The following CCS variants were observed in gnomAD, a reference collection of about 807,000 sequenced individuals.
The protein encoded by CCS is copper chaperone for superoxide dismutase.
Under a neutral mutation model 35.5 loss-of-function variants are expected in CCS, and 32 were observed. The observed-to-expected ratio is 0.90, with a 90% CI of 0.68 to 1.21. The LOEUF (loss-of-function observed/expected upper bound fraction) is 1.21. Among genes scored for constraint, CCS ranks in the 50% most tolerant of loss-of-function variants. CCS has a pLI of 0.00. For synonymous variants in CCS, 130 were observed against 147.2 expected (o/e 0.88, Z 0.84); for missense variants, 342 against 375.4 (o/e 0.91, Z 0.73).
rs1185600202 is a variant in CCS, at chr11:66,605,584, C to T, written c.663C>T (p.Ser221=). The change falls in exon 7 of 8, where the codon TCC becomes TCT. Residue 221 remains serine (S), a synonymous_variant. Coordinates refer to ENST00000533244, the MANE Select transcript of CCS (RefSeq NM_005125.2). Reference sequence around the variant, plus strand: ...CCTTATCCAAGATCACAGGGAACTCCGGGGAGAGGTGAGTGGTGTCGGCCC... The same window carrying T: ...CCTTATCCAAGATCACAGGGAACTCTGGGGAGAGGTGAGTGGTGTCGGCCC... ...GHPLSKITGN[S]GERLACGIIA... is the part of the protein sequence containing the mutation. The T allele has an allele frequency of 8.7e-6, 14 of 1,613,222 alleles. No homozygotes were observed. The highest frequency in any genetic ancestry group is 1.7e-5 in the Admixed American group (1 of 59,890).
intron 2 of CCS, among the ~76,000 whole-genome samples, chr11:66,596,504 T>C (rs769521382): frequency 1.4e-4 from 21 of 151,954 alleles, no homozygotes; most frequent in Non-Finnish European, 2.9e-4. Flanking sequence ...TTCAGCCTCC[T>C]GAGTAGCTGG....
chr11:66,603,225 G>C (rs1858597560), intron 5 of CCS, among the ~76,000 whole-genome samples: 1 of 152,206 alleles, frequency 6.6e-6, no homozygotes, highest in Non-Finnish European at 1.5e-5. Flanking sequence ...GCCTTTCCCT[G>C]AACTCCTGCT....
At chr11:66,603,479 G>A (rs1212932518) in intron 5 of CCS, among the ~76,000 whole-genome samples, 7 of 152,228 alleles carry the variant, frequency 4.6e-5, no homozygotes, top group Non-Finnish European at 4.4e-5. Context: ...GGGAGGCTGA[G>A]GCGGATGGGT....
Position 66,593,281 on chromosome 11 carries a change from A to G in CCS, c.20A>G (p.Asn7Ser). 2 of 1,557,500 alleles carry G rather than the reference A, an allele frequency of 1.3e-6. No homozygotes were observed. The highest frequency in any genetic ancestry group is 2.4e-5 in the East Asian group (1 of 42,254). ...TCCAGAATGGCTTCGGATTCGGGGA[A>G]CCAGGGGACCCTCTGCACGGTGAGG... Reference protein sequence around the residue: MASDSGNQGTLCTLEFA... With the variant: MASDSGSQGTLCTLEFA... The change falls in exon 1 of 8, where the codon AAC (asparagine) becomes AGC (serine). Residue 7 changes from asparagine to serine, a missense_variant. Physicochemically the swap from Asn to Ser is conservative, Grantham distance 46. Coordinates refer to ENST00000533244, the MANE Select transcript of CCS (RefSeq NM_005125.2).
At position 66,599,618 on chromosome 11, in the gene CCS, T is replaced by C. The variant is rs759811702; in HGVS notation, c.410T>C (p.Leu137Pro). ...HGLHVHQYGD[L>P]TNNCNSCGNH... ...CTCCACGTCCATCAGTACGGGGACC[T>C]TACAAACAACTGCAACAGGTGAGTT... Residue 137 changes from leucine (L) to proline (P), a missense_variant, in exon 4 of 8, where the codon CTT becomes CCT. Leu to Pro is a moderately conservative substitution (Grantham distance 98, BLOSUM62 -3). Transcript: ENST00000533244. 21 of 1,610,688 alleles carry C rather than the reference T, an allele frequency of 1.3e-5. No homozygotes were observed. In the Admixed American group the frequency reaches 3.6e-4, roughly 27 times the overall value.
At chr11:66,599,007 G>GGT in intron 2 of CCS, 109 bp from the exon 3 acceptor site, 1 of 1,372,128 alleles carries the variant, frequency 7.3e-7, no homozygotes, top group African/African-American at 1.4e-5. Context: ...CTCTGACCAT[G>GGT]GGAAGTTTGG....
intron 4 of CCS, 99 bp downstream of exon 4, chr11:66,599,735 C>A: frequency 8.7e-7 from 1 of 1,149,260 alleles, no homozygotes; most frequent in Non-Finnish European, 1.2e-6. Flanking sequence ...CAGGCACAAC[C>A]TCCAGATGAG....
chr11:66,600,511 G>C lies in CCS; in HGVS notation c.451G>C (p.Asp151His). 1 of 1,542,572 alleles carries C rather than the reference G, an allele frequency of 6.5e-7. No individual in the cohort carries two copies. Among genetic ancestry groups the C allele is most frequent in the South Asian group, 1.2e-5 (1 of 81,102 alleles). The change falls in exon 5 of 8, where the codon GAT becomes CAT. Residue 151 changes from aspartate (D) to histidine (H), a missense_variant. Asp to His is a moderately conservative substitution (Grantham distance 81). Coordinates refer to ENST00000533244, the MANE Select transcript of CCS (RefSeq NM_005125.2). ...TAGCTGTGGGAATCACTTTAACCCTGATGGAGCATCTCATGGGGGCCCCCA... is the reference window on the plus strand; with the variant it reads ...TAGCTGTGGGAATCACTTTAACCCTCATGGAGCATCTCATGGGGGCCCCCA... ...CNSCGNHFNP[D>H]GASHGGPQDS...
At chr11:66,595,546 C>A (rs1590827870) in intron 2 of CCS, among the ~76,000 whole-genome samples, 1 of 152,260 alleles carries the variant, frequency 6.6e-6, no homozygotes, top group Middle Eastern at 3.4e-3. Context: ...AATACACACA[C>A]ACAGAGAAAG....
intron 7 of CCS, 47 bp from the exon 8 acceptor site, chr11:66,605,655 G>A (rs1422695888): frequency 3.2e-6 from 5 of 1,582,142 alleles, no homozygotes; most frequent in Non-Finnish European, 4.3e-6. Flanking sequence ...GAACCCAGGG[G>A]TGGGGGCCAA....
chr11:66,594,356 C>G (rs923788515), intron 2 of CCS, among the ~76,000 whole-genome samples: 30 of 151,844 alleles, frequency 2.0e-4, no homozygotes, highest in Admixed American at 5.2e-4. Context: ...GAGACTCCGT[C>G]TCAAAAAAAT....
intron 3 of CCS, 43 bp from the exon 4 acceptor site, chr11:66,599,416 T>TG: frequency 6.6e-7 from 1 of 1,510,186 alleles, no homozygotes; most frequent in Non-Finnish European, 8.8e-7. Context: ...AGAGGTGTGC[T>TG]GGGTGAGGTG....
Position 66,593,729 on chromosome 11 carries a change from A to T in CCS, c.112+15A>T. The T allele has an allele frequency of 1.2e-6, 2 of 1,612,902 alleles. No homozygotes were observed. Among genetic ancestry groups the T allele is most frequent in the Non-Finnish European group, 1.7e-6 (2 of 1,178,912 alleles). ...AGGGGTGGCAGGTAAGAACAGGGTA[A>T]ACTTTTCTGCAGACAGTCCAGAAGC... On this transcript the variant is annotated intron_variant, in intron 2 of 7. Transcript: ENST00000533244.
Position 66,593,634 on chromosome 11 carries a change from C to T in CCS, c.40-8C>T, listed in dbSNP as rs368320132. 1.9e-6 allele frequency: 3 copies of T among 1,613,270 alleles called. No individual in the cohort carries two copies. The African/African-American group carries it at 4.0e-5, about 22-fold the overall frequency. On this transcript the variant is annotated splice_region_variant and splice_polypyrimidine_tract_variant and intron_variant, in intron 1 of 7. Coordinates refer to ENST00000533244, the MANE Select transcript of CCS (RefSeq NM_005125.2). ...GCGATCATCGGTTGGTCCCTGCCGC[C>T]CTTGCAGTTGGAGTTCGCGGTGCAG... is the stretch of plus-strand genomic sequence containing the variant.
At chr11:66,602,780 G>A (rs1350135155) in intron 5 of CCS, among the ~76,000 whole-genome samples, 2 of 152,248 alleles carry the variant, frequency 1.3e-5, no homozygotes, top group East Asian at 3.8e-4. Flanking sequence ...ATCAGAAGGG[G>A]CTGGCATCAG....
At chr11:66,593,362 C>T (rs1399770739) in intron 1 of CCS, 62 bp downstream of exon 1, 2 of 1,438,368 alleles carry the variant, frequency 1.4e-6, no homozygotes, top group Non-Finnish European at 1.8e-6. Context: ...CTGGGATGAT[C>T]GTTACCTTGG....
At chr11:66,595,266 G>A (rs557970940) in intron 2 of CCS, among the ~76,000 whole-genome samples, 29 of 152,302 alleles carry the variant, frequency 1.9e-4, no homozygotes, top group African/African-American at 7.0e-4. Context: ...AGGGCTTACA[G>A]GTGGTGATCT....
rs749192348 is a variant in CCS, at chr11:66,605,552, G to A, written c.631G>A (p.Gly211Ser). Residue 211 changes from glycine (G) to serine (S), a missense_variant, in exon 7 of 8, where the codon GGC becomes AGC. By Grantham distance (56) the Gly-to-Ser change is moderately conservative. Transcript: ENST00000533244. ...DEGEDDLGRG[G>S]HPLSKITGNS... is the part of the protein sequence containing the mutation. ...GGGAGAAGATGACCTGGGCCGGGGA[G>A]GCCATCCCTTATCCAAGATCACAGG... 1.2e-6 allele frequency: 2 copies of A among 1,614,066 alleles called. No individual in the cohort carries two copies. The highest frequency in any genetic ancestry group is 1.7e-5 in the Admixed American group (1 of 59,990).
rs185900251 is a variant in CCS at position 66,599,492 on chromosome 11, G to T, written c.284G>T (p.Gly95Val). Reference sequence around the variant, plus strand: ...GGGGCAGCAGTGGCCATCCTGGGGGGGCCTGGCACCGTGCAGGGGGTGGTG... The same window carrying T: ...GGGGCAGCAGTGGCCATCCTGGGGGTGCCTGGCACCGTGCAGGGGGTGGTG... Reference protein sequence around the residue: ...NLGAAVAILGGPGTVQGVVRF... With the variant: ...NLGAAVAILGVPGTVQGVVRF... Residue 95 changes from glycine (G) to valine (V), a missense_variant, in exon 4 of 8, where the codon GGG (glycine) becomes GTG (valine). Coordinates refer to ENST00000533244, the MANE Select transcript of CCS (RefSeq NM_005125.2). 2.4e-5 allele frequency: 37 copies of T among 1,553,066 alleles called. No homozygotes were observed. The Admixed American group carries it at 4.4e-4, about 18-fold the overall frequency.
Sources: allele counts gnomAD v4.1 joint callset (sites outside exome capture counted in the v4.1 genomes callset), GRCh38; gene constraint gnomAD v4.1.1; transcripts MANE v1.5; gene names NCBI Gene and HGNC (gene_info 2026-07-23, HGNC 2026-07-21).